Variants in SEMA3E observed in about 807,000 individuals in gnomAD.
SEMA3E encodes semaphorin 3E, also known as semaphorin-3E.
Under a neutral mutation model 93.6 loss-of-function variants are expected in SEMA3E, and 49 were observed. The observed-to-expected ratio is 0.52, with a 90% CI of 0.42 to 0.66. The LOEUF is 0.66. Among genes scored for constraint, SEMA3E ranks in the 30% least tolerant of loss-of-function variants. SEMA3E has a pLI of 0.00. For synonymous variants in SEMA3E, 363 were observed against 330.7 expected (o/e 1.10, Z -1.06); for missense variants, 906 against 964.8 (o/e 0.94, Z 0.81).
intron 4 of SEMA3E, among the ~76,000 whole-genome samples, chr7:83,449,726 T>G (rs1211278388): frequency 6.6e-6 from 1 of 152,182 alleles, no homozygotes; most frequent in Non-Finnish European, 1.5e-5. Context: ...CTCTTCCTGT[T>G]TCTCTTTTCT....
chr7:83,440,801 C>CAAAAAAA, intron 4 of SEMA3E, among the ~76,000 whole-genome samples: 1 of 123,838 alleles, frequency 8.1e-6, no homozygotes, highest in Non-Finnish European at 1.7e-5. Context: ...GACTCCGTCT[C>CAAAAAAA]AAAAAAAAAA....
At chr7:83,438,438 A>T (rs983649786) in intron 4 of SEMA3E, among the ~76,000 whole-genome samples, 1 of 152,294 alleles carries the variant, frequency 6.6e-6, no homozygotes, top group East Asian at 1.9e-4. Flanking sequence ...CATGGTCTAG[A>T]TATCATAATT....
At chr7:83,552,131 G>A (rs1028277821) in intron 1 of SEMA3E, among the ~76,000 whole-genome samples, 12 of 152,060 alleles carry the variant, frequency 7.9e-5, no homozygotes, top group African/African-American at 2.9e-4. Flanking sequence ...TATTTTATCA[G>A]GAATAGCTTC....
intron 1 of SEMA3E, among the ~76,000 whole-genome samples, chr7:83,552,027 AG>A (rs1488464218): frequency 6.6e-6 from 1 of 152,216 alleles, no homozygotes; most frequent in African/African-American, 2.4e-5. Context: ...ATGACTCAAA[AG>A]TCTGCAAATA....
rs752959572 is a variant in SEMA3E at position 83,396,683 on chromosome 7, C to T, written c.1413G>A (p.Met471Ile). 1.9e-6 allele frequency: 3 copies of T among 1,609,038 alleles called. No homozygotes were observed. The Admixed American group carries it at 5.0e-5, about 27-fold the overall frequency. Residue 471 changes from methionine to isoleucine, a missense_variant, in exon 12 of 17, where the codon ATG becomes ATA. Met to Ile is a conservative substitution (Grantham distance 10). Coordinates refer to ENST00000643230, the MANE Select transcript of SEMA3E (RefSeq NM_012431.3). ...LKVITIYNQE[M>I]ESMEEVILEE... is the part of the protein sequence containing the mutation. The stretch of plus-strand genomic sequence containing the variant: ...CTAGAATTACTTCTTCCATTGATTC[C>T]ATTTCTTGGTTGTAAATTGTGATTA...
intron 1 of SEMA3E, among the ~76,000 whole-genome samples, chr7:83,543,638 C>T (rs1195489298): frequency 1.3e-5 from 2 of 152,022 alleles, no homozygotes; most frequent in Non-Finnish European, 2.9e-5. Context: ...TCTATTGTAA[C>T]TAAAACGGTA....
intron 1 of SEMA3E, among the ~76,000 whole-genome samples, chr7:83,589,074 A>T (rs1238205671): frequency 1.3e-5 from 2 of 152,168 alleles, no homozygotes; most frequent in African/African-American, 4.8e-5. Flanking sequence ...ATTAACTATT[A>T]GATTAGCATC....
intron 4 of SEMA3E, among the ~76,000 whole-genome samples, chr7:83,448,494 AG>A (rs1789284521): frequency 6.6e-6 from 1 of 152,206 alleles, no homozygotes; most frequent in Admixed American, 6.5e-5. Flanking sequence ...TCTGGGCAAC[AG>A]AGTGAGACCC....
intron 1 of SEMA3E, among the ~76,000 whole-genome samples, chr7:83,600,396 T>C (rs1792964273): frequency 6.7e-6 from 1 of 150,316 alleles, no homozygotes; most frequent in Non-Finnish European, 1.5e-5. Context: ...CTCGGCTCAC[T>C]GCAAGCTCCG....
intron 14 of SEMA3E, among the ~76,000 whole-genome samples, chr7:83,388,560 G>T (rs539783375): frequency 6.6e-6 from 1 of 151,938 alleles, no homozygotes; most frequent in Non-Finnish European, 1.5e-5. Flanking sequence ...ATTTCTTCAA[G>T]ACTGAGGGAA....
At chr7:83,417,026 G>A (rs1339871846) in intron 5 of SEMA3E, among the ~76,000 whole-genome samples, 2 of 150,876 alleles carry the variant, frequency 1.3e-5, no homozygotes, top group African/African-American at 4.9e-5. Context: ...GGGAGAGAGA[G>A]AGAGAGAGAG....
At chr7:83,389,119 T>C (rs1345362319) in intron 14 of SEMA3E, among the ~76,000 whole-genome samples, 2 of 151,998 alleles carry the variant, frequency 1.3e-5, no homozygotes, top group Admixed American at 1.3e-4. Context: ...CTGAACTAGA[T>C]TGAAAATAGA....
At chr7:83,438,386 C>A (rs1789045647) in intron 4 of SEMA3E, among the ~76,000 whole-genome samples, 1 of 152,106 alleles carries the variant, frequency 6.6e-6, no homozygotes, top group Non-Finnish European at 1.5e-5. Flanking sequence ...CAGGCCCATA[C>A]TTAAAAAGCA....
intron 16 of SEMA3E, chr7:83,371,590 A>G (rs1039289734): frequency 1.3e-5 from 2 of 152,204 alleles, no homozygotes; most frequent in African/African-American, 4.8e-5. Context: ...TGAATATTTA[A>G]TGAACATATT....
At chr7:83,563,485 ACAGCAG>A (rs368994206) in intron 1 of SEMA3E, among the ~76,000 whole-genome samples, 2 of 151,918 alleles carry the variant, frequency 1.3e-5, no homozygotes, top group African/African-American at 4.8e-5. Flanking sequence ...TGGACCAGCA[ACAGCAG>A]CAGCAGCAGC....
chr7:83,396,425 C>A (rs563103527), intron 12 of SEMA3E, among the ~76,000 whole-genome samples: 51 of 152,000 alleles, frequency 3.4e-4, no homozygotes, highest in Middle Eastern at 3.4e-3. Flanking sequence ...CACTGAAATT[C>A]TTTCCATGCT....
At chr7:83,388,036 C>T (rs1343296977) in intron 14 of SEMA3E, among the ~76,000 whole-genome samples, 1 of 147,820 alleles carries the variant, frequency 6.8e-6, no homozygotes, top group Non-Finnish European at 1.5e-5. Flanking sequence ...ATTAGCCGGG[C>T]ATGGTGGCTC....
intron 4 of SEMA3E, among the ~76,000 whole-genome samples, chr7:83,446,872 A>G (rs1383943872): frequency 1.3e-5 from 2 of 152,206 alleles, no homozygotes. Context: ...GTATCAAAAT[A>G]AATGAACAAA....
intron 1 of SEMA3E, among the ~76,000 whole-genome samples, chr7:83,504,860 C>T (rs1790664158): frequency 6.6e-6 from 1 of 151,982 alleles, no homozygotes; most frequent in African/African-American, 2.4e-5. Context: ...TACATAATTT[C>T]ACTTACCCTT....
Sources: allele counts gnomAD v4.1 joint callset (sites outside exome capture counted in the v4.1 genomes callset), GRCh38; gene constraint gnomAD v4.1.1; transcripts MANE v1.5; gene names NCBI Gene and HGNC (gene_info 2026-07-23, HGNC 2026-07-21).